Variants in FRMD5 observed in about 807,000 individuals in gnomAD.
FRMD5 encodes FERM domain-containing protein 5.
In FRMD5, 20 loss-of-function variants were observed where a neutral mutation model predicts 69.0. That is an observed-to-expected ratio of 0.29 (90% CI 0.20 to 0.42). The LOEUF (loss-of-function observed/expected upper bound fraction) is 0.42, where lower values mean the gene tolerates loss of function less well. Ranked by LOEUF, FRMD5 falls within the 10% of genes least tolerant of loss-of-function variation. The pLI is 1.00. For synonymous variants in FRMD5, 271 were observed against 260.1 expected, an observed-to-expected ratio of 1.04 and a Z score of -0.40; for missense variants, 595 against 708.6, an observed-to-expected ratio of 0.84 and a Z score of 1.82.
chr15:43,919,184 T>C, intron 4 of FRMD5: 1 of 556,744 alleles, frequency 1.8e-6, no homozygotes. Flanking sequence ...GAAAAGACGC[T>C]TCTGATTAGT....
At chr15:44,108,351 T>TA (rs1391652902) in intron 1 of FRMD5, among the ~76,000 whole-genome samples, 4 of 151,600 alleles carry the variant, frequency 2.6e-5, no homozygotes, top group East Asian at 3.9e-4. Context: ...AAAATAAAAA[T>TA]AAAAAAAATA....
At chr15:44,105,225 C>T (rs1391281851) in intron 1 of FRMD5, among the ~76,000 whole-genome samples, 8 of 151,848 alleles carry the variant, frequency 5.3e-5, no homozygotes, top group Non-Finnish European at 7.4e-5. Flanking sequence ...CACAAGCGCG[C>T]AACACCTCGC....
intron 1 of FRMD5, 115 bp downstream of exon 1, chr15:44,194,838 A>C (rs2078259017): frequency 1.1e-6 from 1 of 910,334 alleles, no homozygotes; most frequent in Admixed American, 2.0e-5. Context: ...AGGAACGGAC[A>C]AAGCACGGCG....
intron 1 of FRMD5, among the ~76,000 whole-genome samples, chr15:43,949,829 G>C (rs1481302407): frequency 6.6e-6 from 1 of 152,098 alleles, no homozygotes; most frequent in East Asian, 1.9e-4. Flanking sequence ...ACAGACAGAA[G>C]TGATCTCTCA....
intron 1 of FRMD5, among the ~76,000 whole-genome samples, chr15:44,050,302 G>T (rs1167514258): frequency 6.6e-6 from 1 of 151,970 alleles, no homozygotes; most frequent in African/African-American, 2.4e-5. Flanking sequence ...ACACTAGAAA[G>T]AAAAAAATGA....
At position 44,176,005 on chromosome 15, in the gene FRMD5, C is replaced by G. The variant is rs146126669; in HGVS notation, c.102+18948G>C. Among the ~76,000 whole-genome samples, 601 of 152,212 alleles carry G rather than the reference C, an allele frequency of 3.9e-3. 5 individuals carry two copies. Among genetic ancestry groups the G allele is most frequent in the African/African-American group, 0.014 (563 of 41,550 alleles). ...AATACACTTCGTATCAAAATTCCAC[C>G]TGGAATTTTTACAGAAATTGACAAG... On this transcript the variant is annotated intron_variant, in intron 1 of 13. Coordinates refer to ENST00000417257, the MANE Select transcript of FRMD5 (RefSeq NM_032892.5).
intron 1 of FRMD5, among the ~76,000 whole-genome samples, chr15:44,090,683 G>A (rs2076459374): frequency 2.0e-5 from 3 of 151,964 alleles, no homozygotes; most frequent in South Asian, 2.1e-4. Flanking sequence ...CAGGTGATCC[G>A]CCCGCCTCAC....
At chr15:44,185,185 T>A (rs1232098292) in intron 1 of FRMD5, among the ~76,000 whole-genome samples, 1 of 152,198 alleles carries the variant, frequency 6.6e-6, no homozygotes, top group Non-Finnish European at 1.5e-5. Flanking sequence ...CCTCTCCTGG[T>A]TTTTTTAAAA....
chr15:44,023,527 A>G (rs1428375110), intron 1 of FRMD5, among the ~76,000 whole-genome samples: 4 of 151,982 alleles, frequency 2.6e-5, no homozygotes. Context: ...TTAGTACAAA[A>G]CCTTTTCATT....
At chr15:44,195,470 GT>G (rs2078278197), upstream of FRMD5, among the ~76,000 whole-genome samples, 1 of 152,206 alleles carries the variant, frequency 6.6e-6, no homozygotes, top group African/African-American at 2.4e-5. Context: ...GCCCTCTAGC[GT>G]CCCAAACGAG....
chr15:44,037,040 T>C (rs1475916959), intron 1 of FRMD5, among the ~76,000 whole-genome samples: 1 of 152,132 alleles, frequency 6.6e-6, no homozygotes, highest in Admixed American at 6.5e-5. Context: ...AGAATGTGCA[T>C]GTTTGTTACA....
At chr15:44,169,027 C>T (rs541245716) in intron 1 of FRMD5, among the ~76,000 whole-genome samples, 8 of 152,312 alleles carry the variant, frequency 5.3e-5, no homozygotes, top group South Asian at 2.1e-4. Flanking sequence ...CCTGTGTTCA[C>T]GTGCAATCAT....
intron 5 of FRMD5, among the ~76,000 whole-genome samples, chr15:43,907,014 A>G (rs368012710): frequency 4.5e-4 from 69 of 152,228 alleles, no homozygotes; most frequent in African/African-American, 1.6e-3. Context: ...TCAGGGCAGT[A>G]AACTTTAGGA....
At chr15:44,038,550 C>G (rs1443945571) in intron 1 of FRMD5, among the ~76,000 whole-genome samples, 2 of 14,364 alleles carry the variant, frequency 1.4e-4, no homozygotes, top group East Asian at 3.4e-3. Flanking sequence ...TATAACAATT[C>G]TCAGTGGCTG....
At chr15:44,137,016 T>C (rs1364551673) in intron 1 of FRMD5, among the ~76,000 whole-genome samples, 2 of 152,198 alleles carry the variant, frequency 1.3e-5, no homozygotes, top group African/African-American at 4.8e-5. Flanking sequence ...AAACCTCTAA[T>C]ATTTTAAACA....
At chr15:44,165,264 C>T (rs1244248423) in intron 1 of FRMD5, among the ~76,000 whole-genome samples, 1 of 151,996 alleles carries the variant, frequency 6.6e-6, no homozygotes, top group Admixed American at 6.6e-5. Context: ...ACTAAAAATA[C>T]AAAAATTAGC....
intron 1 of FRMD5, among the ~76,000 whole-genome samples, chr15:44,168,756 A>T (rs2140521841): frequency 6.6e-6 from 1 of 152,220 alleles, no homozygotes; most frequent in South Asian, 2.1e-4. Flanking sequence ...TTCATTTTTG[A>T]TTGTCCAGAT....
At chr15:44,111,932 C>CT (rs2076802209) in intron 1 of FRMD5, among the ~76,000 whole-genome samples, 1 of 152,078 alleles carries the variant, frequency 6.6e-6, no homozygotes, top group Non-Finnish European at 1.5e-5. Flanking sequence ...CAACCTCCGC[C>CT]TCCCGGGTTC....
intron 1 of FRMD5, among the ~76,000 whole-genome samples, chr15:43,992,413 C>G (rs1048502665): frequency 6.7e-6 from 1 of 148,988 alleles, no homozygotes. Flanking sequence ...GAGTCTTGCT[C>G]TGTTGCCCAG....
Sources: allele counts gnomAD v4.1 joint callset (sites outside exome capture counted in the v4.1 genomes callset), GRCh38; gene constraint gnomAD v4.1.1; transcripts MANE v1.5; gene names NCBI Gene and HGNC (gene_info 2026-07-23, HGNC 2026-07-21).